Variants in FAM81B observed in about 807,000 individuals in gnomAD.
FAM81B encodes the protein protein FAM81B.
Under a neutral mutation model 58.7 loss-of-function variants are expected in FAM81B, and 60 were observed. The observed-to-expected ratio is 1.02, with a 90% CI of 0.83 to 1.27. The LOEUF is 1.27. Among genes scored for constraint, FAM81B ranks in the 50% most tolerant of loss-of-function variants. The probability of loss-of-function intolerance (pLI) is 0.00; values close to 1 mark genes in which losing one functional copy is unlikely to be tolerated. For synonymous variants in FAM81B, 189 were observed against 179.6 expected (o/e 1.05, Z -0.42); for missense variants, 491 against 522.0 (o/e 0.94, Z 0.58).
At chr5:95,422,560 GCAGCCT>G (rs1561302744) in intron 5 of FAM81B, among the ~76,000 whole-genome samples, 1 of 73,998 alleles carries the variant, frequency 1.4e-5, no homozygotes, top group East Asian at 3.3e-4. Context: ...TTGGCTCACT[GCAGCCT>G]CTGCCTCCCA....
At chr5:95,420,450 G>A (rs773343459) in intron 5 of FAM81B, 48 bp downstream of exon 5, 1 of 1,606,754 alleles carries the variant, frequency 6.2e-7, no homozygotes. Flanking sequence ...TTCTTGGCCA[G>A]TGAATTCGCA....
chr5:95,445,263 C>G (rs73143940), intron 7 of FAM81B, among the ~76,000 whole-genome samples: 3,035 of 152,256 alleles, frequency 0.02, 102 homozygotes, highest in African/African-American at 0.069. Flanking sequence ...CTGTACCATA[C>G]ATTGTAAGAC....
chr5:95,448,236 T>G (rs774646242), intron 8 of FAM81B, 33 bp from the exon 9 acceptor site: 1 of 1,545,710 alleles, frequency 6.5e-7, no homozygotes, highest in South Asian at 1.2e-5. Context: ...CCATGTACAT[T>G]TCTGAAGTTT....
At chr5:95,406,806 C>T (rs1336253905) in intron 3 of FAM81B, among the ~76,000 whole-genome samples, 2 of 152,094 alleles carry the variant, frequency 1.3e-5, no homozygotes, top group Non-Finnish European at 2.9e-5. Flanking sequence ...ATAGTCAGCC[C>T]GGGATTTTTT....
At chr5:95,426,094 G>GTGTATATATA (rs1491455240) in intron 5 of FAM81B, among the ~76,000 whole-genome samples, 109 of 120,162 alleles carry the variant, frequency 9.1e-4, no homozygotes, top group African/African-American at 3.4e-3. Flanking sequence ...ATCTCTGTGT[G>GTGTATATATA]TATATATATA....
At chr5:95,427,961 T>C (rs1298994524) in intron 5 of FAM81B, among the ~76,000 whole-genome samples, 1 of 152,232 alleles carries the variant, frequency 6.6e-6, no homozygotes, top group African/African-American at 2.4e-5. Flanking sequence ...ATTCCTTCCC[T>C]AAATTATCAC....
intron 9 of FAM81B, among the ~76,000 whole-genome samples, chr5:95,449,379 G>A (rs1353863049): frequency 6.6e-6 from 1 of 152,052 alleles, no homozygotes; most frequent in Non-Finnish European, 1.5e-5. Context: ...AACTTAACTG[G>A]CCCTTCTTTT....
At chr5:95,441,259 C>A (rs1745332496) in intron 7 of FAM81B, among the ~76,000 whole-genome samples, 2 of 152,080 alleles carry the variant, frequency 1.3e-5, no homozygotes, top group Admixed American at 1.3e-4. Context: ...ACTTTACATG[C>A]GCATTTTTCA....
At position 95,410,190 on chromosome 5, in the gene FAM81B, C is replaced by T. The variant is rs117815032; in HGVS notation, c.294-3757C>T. On this transcript the variant is annotated intron_variant, in intron 3 of 9. Coordinates refer to ENST00000283357, the MANE Select transcript of FAM81B (RefSeq NM_152548.3). ...ACTTTTTGCCTTCTGTCTTTTCTAT[C>T]GGGAATGGGGACACAATAGTTCAAG... 9.0e-4 allele frequency among the ~76,000 whole-genome samples: 137 copies of T among 152,160 alleles called. No individual in the cohort carries two copies. In the East Asian group the frequency reaches 0.023, roughly 26 times the overall value.
intron 6 of FAM81B, among the ~76,000 whole-genome samples, chr5:95,433,983 C>T (rs144168415): frequency 5.9e-5 from 9 of 152,276 alleles, no homozygotes; most frequent in East Asian, 5.8e-4. Flanking sequence ...ATTACCTTTT[C>T]GAAAAACCAG....
chr5:95,426,973 T>C lies in FAM81B; in HGVS notation c.657-1630T>C, dbSNP rs187690692. Among the ~76,000 whole-genome samples, 395 of 152,090 alleles carry C rather than the reference T, an allele frequency of 2.6e-3. 4 individuals carry two copies. In the East Asian group the frequency reaches 0.027, roughly 10 times the overall value. ...GTGAGGCAGGAGAATGGCGTGAACCTGGGAGGCGGAGCTTGCAGTGAGCCG... is the reference window on the plus strand; with the variant it reads ...GTGAGGCAGGAGAATGGCGTGAACCCGGGAGGCGGAGCTTGCAGTGAGCCG... On this transcript the variant is annotated intron_variant, in intron 5 of 9. Transcript: ENST00000283357.
At chr5:95,405,255 G>A (rs1762214957) in intron 3 of FAM81B, among the ~76,000 whole-genome samples, 1 of 152,194 alleles carries the variant, frequency 6.6e-6, no homozygotes, top group African/African-American at 2.4e-5. Flanking sequence ...AAATGTGGGA[G>A]CTAATGTTAA....
intron 2 of FAM81B, among the ~76,000 whole-genome samples, chr5:95,394,659 C>T (rs1383725795): frequency 6.6e-6 from 1 of 152,136 alleles, no homozygotes; most frequent in Non-Finnish European, 1.5e-5. Context: ...GGCTTAACAG[C>T]ATTAGACCCA....
At position 95,392,854 on chromosome 5, in the gene FAM81B, C is replaced by T. The variant is rs758466105; in HGVS notation, c.185C>T (p.Pro62Leu). 1.9e-6 allele frequency: 3 copies of T among 1,612,412 alleles called. No homozygotes were observed. The highest frequency in any genetic ancestry group is 2.5e-6 in the Non-Finnish European group (3 of 1,179,320). Reference protein sequence around the residue: ...TATAEEQPVEPDGPLPGSDNN... With the variant: ...TATAEEQPVELDGPLPGSDNN... ...ACTGCAGAGGAACAGCCAGTTGAACCTGATGGCCCCCTTCCTGGCTCAGAC... is the reference window on the plus strand; with the variant it reads ...ACTGCAGAGGAACAGCCAGTTGAACTTGATGGCCCCCTTCCTGGCTCAGAC... Residue 62 changes from proline to leucine, a missense_variant, in exon 2 of 10, where the codon CCT (proline) becomes CTT (leucine). Physicochemically the swap from Pro to Leu is moderately conservative, Grantham distance 98. Coordinates refer to ENST00000283357, the MANE Select transcript of FAM81B (RefSeq NM_152548.3).
At chr5:95,396,357 C>A (rs1761966731) in intron 3 of FAM81B, among the ~76,000 whole-genome samples, 182 bp downstream of exon 3, 1 of 152,202 alleles carries the variant, frequency 6.6e-6, no homozygotes, top group African/African-American at 2.4e-5. Flanking sequence ...CAAACCTGAT[C>A]CTGTTCCTTT....
chr5:95,423,897 G>A (rs1397712896), intron 5 of FAM81B, among the ~76,000 whole-genome samples: 1 of 152,102 alleles, frequency 6.6e-6, no homozygotes, highest in Non-Finnish European at 1.5e-5. Flanking sequence ...GAGAGACATT[G>A]GCAAAATGGA....
At chr5:95,434,126 T>G (rs1056787403) in intron 6 of FAM81B, among the ~76,000 whole-genome samples, 1 of 152,220 alleles carries the variant, frequency 6.6e-6, no homozygotes, top group Admixed American at 6.5e-5. Flanking sequence ...CATTATCTCA[T>G]GCTTTCTGTA....
At chr5:95,448,233 C>T in intron 8 of FAM81B, 36 bp from the exon 9 acceptor site, 2 of 1,533,534 alleles carry the variant, frequency 1.3e-6, no homozygotes, top group Non-Finnish European at 1.8e-6. Flanking sequence ...AATCCATGTA[C>T]ATTTCTGAAG....
chr5:95,415,508 T>TAGCACATTTTGAATTG (rs1372026780), intron 4 of FAM81B, among the ~76,000 whole-genome samples: 3 of 152,230 alleles, frequency 2.0e-5, no homozygotes, highest in Non-Finnish European at 4.4e-5. Context: ...TATTGGTATT[T>TAGCACATTTTGAATTG]AGCACATTTT....
Sources: gnomAD v4.1 joint callset for allele counts (sites outside exome capture counted in the v4.1 genomes callset) on GRCh38, gnomAD v4.1.1 for gene constraint, MANE v1.5 for transcripts, NCBI Gene and HGNC (gene_info 2026-07-23, HGNC 2026-07-21) for gene names.